Variants in AACS observed in about 807,000 individuals in gnomAD.
The protein encoded by AACS is acetoacetate-CoA ligase.
In AACS, 69 loss-of-function variants were observed where a neutral mutation model predicts 83.1. That is an observed-to-expected ratio of 0.83 (90% CI 0.68 to 1.01). AACS has a LOEUF of 1.01. Ranked by LOEUF, AACS falls within the 50% of genes least tolerant of loss-of-function variation. AACS has a pLI of 0.00. For synonymous variants in AACS, 333 were observed against 343.4 expected (o/e 0.97, Z 0.33); for missense variants, 866 against 882.2 (o/e 0.98, Z 0.23).
At chr12:125,112,832 G>A (rs1956982528) in intron 8 of AACS, among the ~76,000 whole-genome samples, 1 of 152,220 alleles carries the variant, frequency 6.6e-6, no homozygotes, top group Non-Finnish European at 1.5e-5. Context: ...GGCAAAGAGA[G>A]AGAATGAGAA....
In AACS at chr12:125,140,484, A is replaced by G. The variant is rs959881602; in HGVS notation, c.1882-1608A>G. On this transcript the variant is annotated intron_variant, in intron 17 of 17. Coordinates refer to ENST00000316519, the MANE Select transcript of AACS (RefSeq NM_023928.5). The surrounding 1 kb of genome is among the most constrained non-coding windows in gnomAD (Gnocchi z 5.1). ...AGCAGGCGAGACGTTTGCATCTCAC[A>G]GCGGGAGGGCCGGCGACATCACATG... 1 of 152,242 alleles carries G rather than the reference A, an allele frequency of 6.6e-6. No individual in the cohort carries two copies. Among genetic ancestry groups the G allele is most frequent in the African/African-American group, 2.4e-5 (1 of 41,474 alleles). The allele number at this position is 152,242 out of a possible 1,614,324, so 9.4% of individuals were successfully genotyped here. A position where few individuals can be genotyped will look rare whatever the true frequency, so the allele number is the denominator to read the frequency against.
At chr12:125,073,496 C>T (rs1955933143) in intron 1 of AACS, among the ~76,000 whole-genome samples, 4 of 152,208 alleles carry the variant, frequency 2.6e-5, no homozygotes, top group Admixed American at 2.6e-4. Flanking sequence ...TAAATCCTCA[C>T]AACAGCCCTG....
At chr12:125,074,639 A>G (rs995173716) in intron 2 of AACS, among the ~76,000 whole-genome samples, 7 of 151,230 alleles carry the variant, frequency 4.6e-5, no homozygotes, top group African/African-American at 1.7e-4. Flanking sequence ...CAGTGATGTT[A>G]AGTACATTTA....
At chr12:125,079,323 G>C (rs1373633870) in intron 3 of AACS, among the ~76,000 whole-genome samples, 1 of 152,182 alleles carries the variant, frequency 6.6e-6, no homozygotes, top group Non-Finnish European at 1.5e-5. Flanking sequence ...GTGGAGAACG[G>C]GAAGGGATTG....
chr12:125,099,835 C>G (rs1323595634), intron 5 of AACS, among the ~76,000 whole-genome samples: 5 of 152,128 alleles, frequency 3.3e-5, no homozygotes, highest in African/African-American at 1.2e-4. Context: ...GCCACCGTGT[C>G]TGGCTAATTT....
chr12:125,119,658 C>T (rs1957120660), intron 10 of AACS, among the ~76,000 whole-genome samples: 1 of 152,214 alleles, frequency 6.6e-6, no homozygotes, highest in Admixed American at 6.5e-5. Context: ...AAAAACCTGC[C>T]TCCATGATTC....
intron 3 of AACS, among the ~76,000 whole-genome samples, chr12:125,080,377 CTAAAAA>C (rs1490777417): frequency 6.6e-6 from 1 of 152,062 alleles, no homozygotes; most frequent in Non-Finnish European, 1.5e-5. Flanking sequence ...AACTAAAAAA[CTAAAAA>C]TATACTTGAT....
At chr12:125,102,111 C>G (rs564283854) in intron 5 of AACS, 23 of 151,960 alleles carry the variant, frequency 1.5e-4, no homozygotes, top group African/African-American at 5.6e-4. Flanking sequence ...GCTCGGTTGC[C>G]CAGGCTGGAG....
chr12:125,115,029 G>T (rs12301167), intron 9 of AACS, among the ~76,000 whole-genome samples: 1 of 152,160 alleles, frequency 6.6e-6, no homozygotes, highest in Admixed American at 6.5e-5. Flanking sequence ...GCACGGTGTC[G>T]AGTTGGGCCC....
chr12:125,142,246 T>C lies in AACS; in HGVS notation c.*17T>C. 1 of 1,612,946 alleles carries C rather than the reference T, an allele frequency of 6.2e-7. No homozygotes were observed. The highest frequency in any genetic ancestry group is 1.1e-5 in the South Asian group (1 of 91,072). On this transcript the variant is annotated 3_prime_UTR_variant, in exon 18 of 18. Transcript: ENST00000316519. ...GGCTTCTGAGTCAGACTGGCTGGCG[T>C]GTCACTCAGCCGCACCCGTGTGCAC...
rs1020408522 is a variant in AACS, at chr12:125,097,173, C to G, written c.571-5506C>G. On this transcript the variant is annotated intron_variant, in intron 5 of 17. Coordinates refer to ENST00000316519, the MANE Select transcript of AACS (RefSeq NM_023928.5). This position sits in a 1 kb window ranked among gnomAD's most constrained non-coding sequence, Gnocchi z 4.3. Reference sequence around the variant, plus strand: ...AGACTCGGCCTGTTGCTGCTGGACTCCTGGGGGGCACCATTTTGGGGCTTT... The same window carrying G: ...AGACTCGGCCTGTTGCTGCTGGACTGCTGGGGGGCACCATTTTGGGGCTTT... 6.6e-6 allele frequency among the ~76,000 whole-genome samples: 1 copy of G among 152,040 alleles called. No individual in the cohort carries two copies. Among genetic ancestry groups the G allele is most frequent in the African/African-American group, 2.4e-5 (1 of 41,394 alleles).
chr12:125,071,512 G>A (rs1483947381), intron 1 of AACS, among the ~76,000 whole-genome samples: 1 of 152,206 alleles, frequency 6.6e-6, no homozygotes, highest in Non-Finnish European at 1.5e-5. Flanking sequence ...GCACAAGGTG[G>A]AGATGCAAAT....
At chr12:125,091,980 G>A (rs1014548208) in intron 5 of AACS, among the ~76,000 whole-genome samples, 1 of 152,210 alleles carries the variant, frequency 6.6e-6, no homozygotes, top group Non-Finnish European at 1.5e-5. Flanking sequence ...TACTGTGTGG[G>A]TGTGCACTCC....
intron 8 of AACS, 73 bp from the exon 9 acceptor site, chr12:125,114,404 G>T (rs989705057): frequency 1.6e-6 from 2 of 1,287,794 alleles, no homozygotes; most frequent in Non-Finnish European, 2.2e-6. Flanking sequence ...TGAGCAGCGC[G>T]TGGGCCAGGT....
intron 17 of AACS, chr12:125,138,718 G>C (rs916024640): frequency 6.6e-6 from 1 of 152,214 alleles, no homozygotes; most frequent in Non-Finnish European, 1.5e-5. Context: ...TCTCTCCCCA[G>C]ATAAGGTCTC....
At chr12:125,111,385 G>T (rs1191056719) in intron 8 of AACS, among the ~76,000 whole-genome samples, 4 of 152,168 alleles carry the variant, frequency 2.6e-5, no homozygotes, top group Non-Finnish European at 5.9e-5. Flanking sequence ...TTTATTTTTA[G>T]TGCTCTTTGC....
At chr12:125,100,417 A>G (rs1181274199) in intron 5 of AACS, among the ~76,000 whole-genome samples, 1 of 152,234 alleles carries the variant, frequency 6.6e-6, no homozygotes, top group Non-Finnish European at 1.5e-5. Context: ...GGAAAACAAT[A>G]ACATTTGCAA....
chr12:125,117,363 G>A (rs1397019776), intron 9 of AACS, among the ~76,000 whole-genome samples: 1 of 151,906 alleles, frequency 6.6e-6, no homozygotes, highest in Non-Finnish European at 1.5e-5. Flanking sequence ...GCAGTGAGCC[G>A]AGATTGTGCC....
intron 14 of AACS, 45 bp from the exon 15 acceptor site, chr12:125,133,958 G>T (rs1207889741): frequency 6.2e-7 from 1 of 1,606,662 alleles, no homozygotes; most frequent in Non-Finnish European, 8.5e-7. Context: ...GCCTGTCATG[G>T]CCCCTTCTCC....
Sources: allele counts gnomAD v4.1 joint callset (sites outside exome capture counted in the v4.1 genomes callset), GRCh38; gene constraint gnomAD v4.1.1; non-coding constraint Gnocchi (gnomAD v3.1); transcripts MANE v1.5; gene names NCBI Gene and HGNC (gene_info 2026-07-23, HGNC 2026-07-21).